The following PATJ variants were observed in gnomAD, a reference collection of about 807,000 sequenced individuals.
The protein encoded by PATJ is inaD-like protein.
In PATJ, 190 loss-of-function variants were observed where a neutral mutation model predicts 224.9. The ratio of observed to expected loss-of-function variants is 0.84; its 90% confidence interval spans 0.75 to 0.95. The LOEUF is 0.95. Ranked by LOEUF, PATJ falls within the 40% of genes least tolerant of loss-of-function variation. The pLI is 0.00. For missense variants in PATJ, 2,121 were observed against 2,270.3 expected (o/e 0.93, Z 1.34); for synonymous variants, 769 against 820.3 (o/e 0.94, Z 1.07).
intron 25 of PATJ, among the ~76,000 whole-genome samples, chr1:61,910,453 A>T (rs1557862397): frequency 6.6e-6 from 1 of 151,226 alleles, no homozygotes; most frequent in Non-Finnish European, 1.5e-5. Flanking sequence ...GTTCTAGCCA[A>T]GGGAGCATAT....
In PATJ at chr1:61,947,987, G is replaced by A. The variant is rs1438188193; in HGVS notation, c.3670+20158G>A. On this transcript the variant is annotated intron_variant, in intron 27 of 43. Transcript: ENST00000642238. ...GAAAGGATTCCCTATTTAATAAATG[G>A]TGCTGGGAAAACTGGCTAGCCATAT... Among the ~76,000 whole-genome samples the A allele has an allele frequency of 1.3e-5, 2 of 152,120 alleles. 1 individual carries two copies. The highest frequency in any genetic ancestry group is 4.8e-5 in the African/African-American group (2 of 41,428).
intron 7 of PATJ, among the ~76,000 whole-genome samples, chr1:61,779,823 G>C (rs1002574994): frequency 2.0e-5 from 3 of 152,166 alleles, no homozygotes; most frequent in Admixed American, 2.0e-4. Context: ...TTGGGCATCT[G>C]GGGAAAACCT....
intron 27 of PATJ, among the ~76,000 whole-genome samples, chr1:61,948,570 G>T (rs1242395363): frequency 1.3e-5 from 2 of 152,202 alleles, no homozygotes; most frequent in Non-Finnish European, 2.9e-5. Context: ...AACAACAGGT[G>T]CTGGAGAGGA....
chr1:61,914,795 T>C (rs1331512281), intron 26 of PATJ, 131 bp downstream of exon 26: 6 of 493,368 alleles, frequency 1.2e-5, no homozygotes, highest in Non-Finnish European at 2.2e-5. Flanking sequence ...ATTTATAATT[T>C]TTTTCCCTGC....
At chr1:62,063,653 C>T (rs1208319727) in intron 31 of PATJ, among the ~76,000 whole-genome samples, 2 of 152,104 alleles carry the variant, frequency 1.3e-5, no homozygotes, top group East Asian at 1.9e-4. Flanking sequence ...GAATGTTTTT[C>T]CATTTGTTTG....
At chr1:61,948,178 A>G (rs1044442242) in intron 27 of PATJ, among the ~76,000 whole-genome samples, 1 of 152,228 alleles carries the variant, frequency 6.6e-6, no homozygotes, top group Non-Finnish European at 1.5e-5. Flanking sequence ...CTAAAACACC[A>G]AAAGCAATAG....
At chr1:61,796,725 T>TC (rs1651335340) in intron 10 of PATJ, among the ~76,000 whole-genome samples, 1 of 4,352 alleles carries the variant, frequency 2.3e-4, no homozygotes, top group African/African-American at 6.3e-4. Context: ...TTTCTTTCTT[T>TC]TTCTTTCTTT....
chr1:61,988,403 T>C (rs1644880896), intron 27 of PATJ, among the ~76,000 whole-genome samples: 1 of 152,344 alleles, frequency 6.6e-6, no homozygotes, highest in Admixed American at 6.5e-5. Flanking sequence ...GCATCTTTAC[T>C]GTAATGCATG....
intron 14 of PATJ, among the ~76,000 whole-genome samples, chr1:61,812,293 A>G (rs1654933238): frequency 6.6e-6 from 1 of 151,628 alleles, no homozygotes; most frequent in South Asian, 2.1e-4. Context: ...GATATCAGTT[A>G]TCTCTGTCCA....
At chr1:62,148,491 C>T (rs1012803463) in intron 42 of PATJ, 101 bp downstream of exon 42, 8 of 796,952 alleles carry the variant, frequency 1.0e-5, no homozygotes, top group Admixed American at 4.3e-5. Context: ...GTGGCCAAAG[C>T]GCCCGTGACT....
intron 28 of PATJ, among the ~76,000 whole-genome samples, chr1:62,001,109 G>A (rs1339860624): frequency 6.6e-6 from 1 of 151,444 alleles, no homozygotes; most frequent in African/African-American, 2.4e-5. Context: ...AGATGAGTAG[G>A]TTGCGAAAAT....
At chr1:62,037,612 CT>C (rs1307550434) in intron 29 of PATJ, among the ~76,000 whole-genome samples, 2 of 152,064 alleles carry the variant, frequency 1.3e-5, no homozygotes, top group African/African-American at 4.8e-5. Context: ...TTAATGGGGC[CT>C]AAAGGTTGCA....
At chr1:61,963,382 G>A (rs934264282) in intron 27 of PATJ, among the ~76,000 whole-genome samples, 2 of 151,928 alleles carry the variant, frequency 1.3e-5, no homozygotes, top group African/African-American at 4.8e-5. Context: ...ATTGCTTGAG[G>A]TCAGGAGTTT....
At chr1:61,869,468 A>C (rs1274531244) in intron 20 of PATJ, among the ~76,000 whole-genome samples, 1 of 151,602 alleles carries the variant, frequency 6.6e-6, no homozygotes, top group Non-Finnish European at 1.5e-5. Context: ...ATAGTAGCTT[A>C]CTCTCAATCT....
At chr1:62,029,309 A>G (rs116398086) in intron 29 of PATJ, among the ~76,000 whole-genome samples, 1 of 152,312 alleles carries the variant, frequency 6.6e-6, no homozygotes, top group African/African-American at 2.4e-5. Flanking sequence ...ACTGCCTGTT[A>G]CATTAGATGT....
At position 61,764,782 on chromosome 1, in the gene PATJ, A is replaced by T. The variant is rs754736132; in HGVS notation, c.190-1497A>T. On this transcript the variant is annotated intron_variant, in intron 3 of 43. Coordinates refer to ENST00000642238, the MANE Select transcript of PATJ (RefSeq NM_001350145.3). ...TCTTTAGACCAGAATTTATACCCTA[A>T]TTTTAGCACTGCCTATATTGATGTT... Among the ~76,000 whole-genome samples, 12 of 152,252 alleles carry T rather than the reference A, an allele frequency of 7.9e-5. No individual in the cohort carries two copies. The South Asian group carries it at 8.3e-4, about 11-fold the overall frequency.
intron 7 of PATJ, among the ~76,000 whole-genome samples, chr1:61,782,235 T>A (rs961308236): frequency 3.3e-5 from 5 of 152,246 alleles, no homozygotes; most frequent in East Asian, 1.9e-4. Context: ...TGCTTTTTTT[T>A]ATTTTTTGGC....
intron 27 of PATJ, among the ~76,000 whole-genome samples, chr1:61,928,245 T>G (rs2149290987): frequency 6.6e-6 from 1 of 152,326 alleles, no homozygotes; most frequent in African/African-American, 2.4e-5. Context: ...TTTTGTCCTT[T>G]AAAATTCATT....
chr1:61,847,470 A>G (rs2788616), intron 17 of PATJ, among the ~76,000 whole-genome samples: 109,992 of 152,066 alleles, frequency 0.72, 41,146 homozygotes, highest in East Asian at 0.88. Flanking sequence ...GTGTTTAGGA[A>G]GTAATAAGAC....
Sources: allele counts gnomAD v4.1 joint callset (sites outside exome capture counted in the v4.1 genomes callset), GRCh38; gene constraint gnomAD v4.1.1; transcripts MANE v1.5; gene names NCBI Gene and HGNC (gene_info 2026-07-23, HGNC 2026-07-21).